Variants in CDH18 observed in about 807,000 individuals in gnomAD.
The protein encoded by CDH18 is cadherin 18, also known as cadherin-18.
Under a neutral mutation model 67.9 loss-of-function variants are expected in CDH18, and 31 were observed. The observed-to-expected ratio is 0.46, with a 90% CI of 0.34 to 0.62. The LOEUF is 0.62. CDH18 is among the 20% of genes least tolerant of loss of function. CDH18 has a pLI of 0.01. For synonymous variants in CDH18, 362 were observed against 347.2 expected, an observed-to-expected ratio of 1.04 and a Z score of -0.48; for missense variants, 890 against 975.5, an observed-to-expected ratio of 0.91 and a Z score of 1.17.
At chr5:20,449,271 G>C (rs1165340852) in intron 1 of CDH18, among the ~76,000 whole-genome samples, 1 of 152,076 alleles carries the variant, frequency 6.6e-6, no homozygotes, top group Non-Finnish European at 1.5e-5. Flanking sequence ...TTGGAAAGAA[G>C]TTAGTGATAT....
chr5:19,624,014 T>TTATTATTAC (rs899490491), intron 5 of CDH18, among the ~76,000 whole-genome samples: 3 of 148,012 alleles, frequency 2.0e-5, no homozygotes, highest in Non-Finnish European at 4.5e-5. Flanking sequence ...ATTATTATTA[T>TTATTATTAC]TATTATTATT....
At chr5:19,839,316 C>G (rs553285851) in intron 2 of CDH18, 74 bp from the exon 3 acceptor site, 1 of 277,246 alleles carries the variant, frequency 3.6e-6, no homozygotes, top group Non-Finnish European at 7.0e-6. Context: ...ACAAATGATA[C>G]TATTTTGCAA....
chr5:20,376,742 C>T (rs897140528), intron 1 of CDH18, among the ~76,000 whole-genome samples: 4 of 151,902 alleles, frequency 2.6e-5, no homozygotes, highest in Non-Finnish European at 5.9e-5. Context: ...CAAGGCTGGG[C>T]GTGGTGGCTC....
At chr5:20,076,003 T>C (rs1743897158) in intron 2 of CDH18, among the ~76,000 whole-genome samples, 1 of 152,128 alleles carries the variant, frequency 6.6e-6, no homozygotes, top group Admixed American at 6.5e-5. Context: ...ATGGATACTA[T>C]CTGTGTGATA....
intron 4 of CDH18, among the ~76,000 whole-genome samples, chr5:19,739,770 A>G (rs183174956): frequency 5.1e-4 from 78 of 152,308 alleles, no homozygotes; most frequent in Non-Finnish European, 9.6e-4. Context: ...AAATGATACC[A>G]TTCTGAACAT....
intron 2 of CDH18, among the ~76,000 whole-genome samples, chr5:20,105,400 A>C (rs1277071485): frequency 1.3e-5 from 2 of 152,224 alleles, no homozygotes; most frequent in South Asian, 2.1e-4. Context: ...TTAGACACTG[A>C]ATGTTGTACA....
At chr5:19,629,947 A>T (rs988065598) in intron 5 of CDH18, among the ~76,000 whole-genome samples, 8 of 151,990 alleles carry the variant, frequency 5.3e-5, no homozygotes, top group Admixed American at 6.6e-5. Flanking sequence ...TTATTTATTT[A>T]TTTTTTTGAA....
chr5:19,493,747 A>G (rs1205482447), intron 11 of CDH18, among the ~76,000 whole-genome samples: 2 of 152,154 alleles, frequency 1.3e-5, no homozygotes, highest in Admixed American at 1.3e-4. Context: ...GTTTAATCAC[A>G]TTAGTTTAGA....
At chr5:20,288,040 C>A (rs2126723970) in intron 1 of CDH18, among the ~76,000 whole-genome samples, 1 of 151,816 alleles carries the variant, frequency 6.6e-6, no homozygotes, top group African/African-American at 2.4e-5. Context: ...CTGCTGTTAA[C>A]ATTCAGCAAA....
chr5:20,271,208 T>C (rs114814354), intron 1 of CDH18, among the ~76,000 whole-genome samples: 263 of 152,176 alleles, frequency 1.7e-3, no homozygotes, highest in Non-Finnish European at 3.0e-3. Context: ...TTTCACTGGA[T>C]TTGGAGACAA....
rs1276943973 is a variant in CDH18 at position 20,107,237 on chromosome 5, C to A, written c.-517-115223G>T. On this transcript the variant is annotated intron_variant, in intron 2 of 14. Coordinates refer to the CDH18 transcript ENST00000507958. Reference sequence around the variant, plus strand: ...CTGGGACTACAGGCGCCCTCCATCACGCCCGGCTATTTTTTTAGTAGAGAC... The same window carrying A: ...CTGGGACTACAGGCGCCCTCCATCAAGCCCGGCTATTTTTTTAGTAGAGAC... Among the ~76,000 whole-genome samples, 3 of 152,036 alleles carry A rather than the reference C, an allele frequency of 2.0e-5. No individual in the cohort carries two copies. The East Asian group carries it at 5.8e-4, about 30-fold the overall frequency.
chr5:20,480,733 C>T (rs1752746068), intron 1 of CDH18, among the ~76,000 whole-genome samples: 1 of 152,030 alleles, frequency 6.6e-6, no homozygotes, highest in Non-Finnish European at 1.5e-5. Flanking sequence ...TTTTTGCTCG[C>T]TTGTAATTTT....
At chr5:20,244,349 T>C (rs1743211807) in intron 2 of CDH18, among the ~76,000 whole-genome samples, 1 of 152,090 alleles carries the variant, frequency 6.6e-6, no homozygotes, top group Non-Finnish European at 1.5e-5. Flanking sequence ...TCATAATGAG[T>C]TCTGCAGGGA....
intron 5 of CDH18, among the ~76,000 whole-genome samples, chr5:19,646,913 G>A (rs1329926194): frequency 6.6e-6 from 1 of 152,128 alleles, no homozygotes; most frequent in Non-Finnish European, 1.5e-5. Context: ...GGTGGAGAAG[G>A]AAACTTTCTC....
At chr5:19,931,405 G>T (rs1793677682) in intron 2 of CDH18, among the ~76,000 whole-genome samples, 1 of 151,874 alleles carries the variant, frequency 6.6e-6, no homozygotes, top group Admixed American at 6.6e-5. Context: ...TTCCTTTGAA[G>T]TGAACATGCA....
intron 2 of CDH18, among the ~76,000 whole-genome samples, chr5:20,036,935 C>T (rs1356383825): frequency 6.6e-6 from 1 of 151,992 alleles, no homozygotes; most frequent in Non-Finnish European, 1.5e-5. Context: ...AGGATTGCAA[C>T]CCCTGCTTTT....
At chr5:20,216,594 G>T (rs1740790891) in intron 2 of CDH18, among the ~76,000 whole-genome samples, 1 of 151,744 alleles carries the variant, frequency 6.6e-6, no homozygotes, top group Admixed American at 6.6e-5. Flanking sequence ...AATAACATAT[G>T]TCCAAGTTTA....
At chr5:20,089,427 A>G (rs964251050) in intron 2 of CDH18, among the ~76,000 whole-genome samples, 3 of 152,062 alleles carry the variant, frequency 2.0e-5, no homozygotes, top group Non-Finnish European at 4.4e-5. Flanking sequence ...TATATTTTCT[A>G]CCCAGTTTGG....
chr5:19,491,271 AT>A (rs1741426533), intron 11 of CDH18, among the ~76,000 whole-genome samples: 1 of 152,162 alleles, frequency 6.6e-6, no homozygotes, highest in South Asian at 2.1e-4. Context: ...ATGAGGCTTG[AT>A]TTGCAACTTA....
Sources: gnomAD v4.1 joint callset for allele counts (sites outside exome capture counted in the v4.1 genomes callset) on GRCh38, gnomAD v4.1.1 for gene constraint, MANE v1.5 for transcripts, NCBI Gene and HGNC (gene_info 2026-07-23, HGNC 2026-07-21) for gene names.